The following PLCG1 variants were observed in gnomAD, a reference collection of about 807,000 sequenced individuals.
PLCG1 encodes phospholipase C gamma 1.
Under a neutral mutation model 177.8 loss-of-function variants are expected in PLCG1, and 71 were observed. The ratio of observed to expected loss-of-function variants is 0.40; its 90% CI spans 0.33 to 0.49. The LOEUF is 0.49. PLCG1 is among the 20% of genes least tolerant of loss of function. PLCG1 has a pLI of 0.72. For missense variants in PLCG1, 1,281 were observed against 1,709.0 expected, an observed-to-expected ratio of 0.75 and a Z score of 4.42; for synonymous variants, 658 against 647.9, an observed-to-expected ratio of 1.02 and a Z score of -0.24.
At position 41,147,790 on chromosome 20, in the gene PLCG1, G is replaced by A. The variant is rs995095083; in HGVS notation, c.217+9932G>A. On this transcript the variant is annotated intron_variant, in intron 1 of 31. Coordinates refer to ENST00000685551, the MANE Select transcript of PLCG1 (RefSeq NM_002660.3). The surrounding 1 kb of genome is among the most constrained non-coding windows in gnomAD (Gnocchi z 4.0). Reference sequence around the variant, plus strand: ...TTGAACCCGGGAGGCAGAGGTTGCAGTGAGCCAAGATCGCGCCATTGCACT... The same window carrying A: ...TTGAACCCGGGAGGCAGAGGTTGCAATGAGCCAAGATCGCGCCATTGCACT... Among the ~76,000 whole-genome samples the A allele has an allele frequency of 3.9e-5, 6 of 152,036 alleles. No individual in the cohort carries two copies. The highest frequency in any genetic ancestry group is 8.8e-5 in the Non-Finnish European group (6 of 68,030).
intron 1 of PLCG1, among the ~76,000 whole-genome samples, chr20:41,142,992 G>A (rs185536183): frequency 5.7e-4 from 87 of 152,252 alleles, no homozygotes; most frequent in African/African-American, 2.0e-3. Context: ...AAGGAGGCCC[G>A]CCCATCCTCT....
Position 41,163,468 on chromosome 20 carries a change from T to G in PLCG1, c.880T>G (p.Phe294Val), listed in dbSNP as rs1450657509. ...PLREIEEPYF[F>V]LDEFVTFLFS... Reference sequence around the variant, plus strand: ...ACGAGAGATCGAGGAGCCATACTTCTTCCTGGATGAGGTGAGCCCGATGTT... The same window carrying G: ...ACGAGAGATCGAGGAGCCATACTTCGTCCTGGATGAGGTGAGCCCGATGTT... Residue 294 changes from phenylalanine to valine, a missense_variant, in exon 9 of 32, where the codon TTC becomes GTC. Transcript: ENST00000685551. This position sits in a 1 kb window ranked among gnomAD's most constrained non-coding sequence, Gnocchi z 5.2. 5.0e-6 allele frequency: 8 copies of G among 1,608,452 alleles called. No homozygotes were observed. The highest frequency in any genetic ancestry group is 6.8e-6 in the Non-Finnish European group (8 of 1,176,044).
Position 41,159,298 on chromosome 20 carries a change from C to T in PLCG1, c.218-308C>T, listed in dbSNP as rs1468112637. 3.9e-5 allele frequency among the ~76,000 whole-genome samples: 6 copies of T among 152,166 alleles called. No individual in the cohort carries two copies. Among genetic ancestry groups the T allele is most frequent in the Non-Finnish European group, 8.8e-5 (6 of 68,038 alleles). ...GAACAGCCTTGGGTCCCTATTTCTT[C>T]TTCTGGAGTCTAGCTCTTTTGCAGG... On this transcript the variant is annotated intron_variant, in intron 1 of 31. Transcript: ENST00000685551. This position sits in a 1 kb window ranked among gnomAD's most constrained non-coding sequence, Gnocchi z 6.0.
Position 41,163,251 on chromosome 20 carries a change from G to T in PLCG1, c.765G>T (p.Gln255His). The change falls in exon 8 of 32, where the codon CAG (glutamine) becomes CAT (histidine). Residue 255 changes from glutamine to histidine, a missense_variant. Around this residue, in one of 4 missense-constraint regions of PLCG1, gnomAD observed 374 missense variants for 443.8 expected, o/e 0.84. Coordinates refer to ENST00000685551, the MANE Select transcript of PLCG1 (RefSeq NM_002660.3). The surrounding 1 kb of genome is among the most constrained non-coding windows in gnomAD (Gnocchi z 5.2). ...GCCGAGTGTCCCTTCCTGAGTTCCA[G>T]CAGTTCCTTCTTGACTACCAGGGGG... ...ELCRVSLPEF[Q>H]QFLLDYQGEL... 6.4e-7 allele frequency: 1 copy of T among 1,555,796 alleles called. No individual in the cohort carries two copies. Among genetic ancestry groups the T allele is most frequent in the Non-Finnish European group, 8.7e-7 (1 of 1,153,428 alleles).
intron 1 of PLCG1, among the ~76,000 whole-genome samples, chr20:41,155,936 T>C (rs893815165): frequency 6.6e-6 from 1 of 152,158 alleles, no homozygotes; most frequent in Non-Finnish European, 1.5e-5. Context: ...TGTGTGGTTC[T>C]CCTCACTAAG....
Position 41,166,204 on chromosome 20 carries a change from A to G in PLCG1, c.1810A>G (p.Lys604Glu), listed in dbSNP as rs2035686407. The G allele has an allele frequency of 1.2e-6, 2 of 1,613,284 alleles. No homozygotes were observed. Among genetic ancestry groups the G allele is most frequent in the Admixed American group, 1.7e-5 (1 of 60,004 alleles). ...DYTLSFWRNGKVQHCRIHSRQ... is the reference protein window; with the variant it reads ...DYTLSFWRNGEVQHCRIHSRQ... Reference sequence around the variant, plus strand: ...CTGTGTCTTCCACAGGCGGAACGGGAAAGTCCAGCACTGCCGTATCCACTC... The same window carrying G: ...CTGTGTCTTCCACAGGCGGAACGGGGAAGTCCAGCACTGCCGTATCCACTC... The change falls in exon 17 of 32, where the codon AAA becomes GAA. Residue 604 changes from lysine to glutamate, a missense_variant. Physicochemically the swap from Lys to Glu is moderately conservative, Grantham distance 56. Transcript: ENST00000685551. This position sits in a 1 kb window ranked among gnomAD's most constrained non-coding sequence, Gnocchi z 8.6.
rs2035052646 is a variant in PLCG1, at chr20:41,148,129, C to T, written c.217+10271C>T. The stretch of plus-strand genomic sequence containing the variant: ...AGCAAGCAGGCCTCTGACCTGACGA[C>T]TTCCGGTCATTATTTAGAACGTCTC... On this transcript the variant is annotated intron_variant, in intron 1 of 31. Coordinates refer to ENST00000685551, the MANE Select transcript of PLCG1 (RefSeq NM_002660.3). This position sits in a 1 kb window ranked among gnomAD's most constrained non-coding sequence, Gnocchi z 4.3. 1.3e-5 allele frequency among the ~76,000 whole-genome samples: 2 copies of T among 152,226 alleles called. No homozygotes were observed. Among genetic ancestry groups the T allele is most frequent in the Non-Finnish European group, 2.9e-5 (2 of 68,040 alleles).
Position 41,156,560 on chromosome 20 carries a change from C to T in PLCG1, c.218-3046C>T, listed in dbSNP as rs746536847. 2.6e-5 allele frequency among the ~76,000 whole-genome samples: 4 copies of T among 152,198 alleles called. No homozygotes were observed. Among genetic ancestry groups the T allele is most frequent in the Non-Finnish European group, 4.4e-5 (3 of 68,034 alleles). On this transcript the variant is annotated intron_variant, in intron 1 of 31. Coordinates refer to ENST00000685551, the MANE Select transcript of PLCG1 (RefSeq NM_002660.3). The surrounding 1 kb of genome is among the most constrained non-coding windows in gnomAD (Gnocchi z 5.0). ...TCAAAGAGTTCCTCCTTCTCACTGC[C>T]CCATCTTCTTCATAGTGACGGCCTC...
chr20:41,159,297 T>C lies in PLCG1; in HGVS notation c.218-309T>C, dbSNP rs2072881. ...TGAACAGCCTTGGGTCCCTATTTCT[T>C]CTTCTGGAGTCTAGCTCTTTTGCAG... On this transcript the variant is annotated intron_variant, in intron 1 of 31. Transcript: ENST00000685551. The surrounding 1 kb of genome is among the most constrained non-coding windows in gnomAD (Gnocchi z 6.0). Among the ~76,000 whole-genome samples the C allele has an allele frequency of 0.43, 66,011 of 151,984 alleles. 16,445 individuals are homozygous for C. The highest frequency in any genetic ancestry group is 0.82 in the East Asian group (4,228 of 5,156).
In PLCG1 at chr20:41,159,067, C is replaced by T. The variant is rs1057431260; in HGVS notation, c.218-539C>T. 2.6e-5 allele frequency among the ~76,000 whole-genome samples: 4 copies of T among 152,104 alleles called. No homozygotes were observed. The highest frequency in any genetic ancestry group is 5.9e-5 in the Non-Finnish European group (4 of 68,010). On this transcript the variant is annotated intron_variant, in intron 1 of 31. Coordinates refer to ENST00000685551, the MANE Select transcript of PLCG1 (RefSeq NM_002660.3). The surrounding 1 kb of genome is among the most constrained non-coding windows in gnomAD (Gnocchi z 6.0). ...GCTCTTGGACAGCCAGTGCCTTGGT[C>T]AGGGGATGGGGTGGGGATTAGGCCC...
In PLCG1 at chr20:41,166,358, A is replaced by G. The variant is rs1475907237; in HGVS notation, c.1964A>G (p.Glu655Gly). 1.2e-6 allele frequency: 2 copies of G among 1,614,096 alleles called. No individual in the cohort carries two copies. Among genetic ancestry groups the G allele is most frequent in the Non-Finnish European group, 1.7e-6 (2 of 1,180,036 alleles). ...AATGAGTTTGAGATGCGACTTTCAGAGCCTGTCCCACAGACCAACGCCCAC... is the reference window on the plus strand; with the variant it reads ...AATGAGTTTGAGATGCGACTTTCAGGGCCTGTCCCACAGACCAACGCCCAC... ...RCNEFEMRLS[E>G]PVPQTNAHES... is the part of the protein sequence containing the mutation. The change falls in exon 17 of 32, where the codon GAG (glutamate) becomes GGG (glycine). Residue 655 changes from glutamate to glycine, a missense_variant. Coordinates refer to ENST00000685551, the MANE Select transcript of PLCG1 (RefSeq NM_002660.3). This position sits in a 1 kb window ranked among gnomAD's most constrained non-coding sequence, Gnocchi z 8.6.
At chr20:41,152,161 C>G (rs1203635153) in intron 1 of PLCG1, among the ~76,000 whole-genome samples, 1 of 152,162 alleles carries the variant, frequency 6.6e-6, no homozygotes, top group African/African-American at 2.4e-5. Flanking sequence ...CTGTTTGCCA[C>G]AGACTACATG....
chr20:41,170,107 C>T lies in PLCG1; in HGVS notation c.2651-5C>T. On this transcript the variant is annotated splice_polypyrimidine_tract_variant and splice_region_variant and intron_variant, in intron 23 of 31. Transcript: ENST00000685551. ...CCCAGCTGTTATCTGCTCTCGCCCTCCCAGCCATCCGTCCTGAGGGCAAGA... is the reference window on the plus strand; with the variant it reads ...CCCAGCTGTTATCTGCTCTCGCCCTTCCAGCCATCCGTCCTGAGGGCAAGA... The T allele has an allele frequency of 2.5e-6, 4 of 1,606,272 alleles. No homozygotes were observed. The highest frequency in any genetic ancestry group is 2.6e-6 in the Non-Finnish European group (3 of 1,174,890).
In PLCG1 at chr20:41,163,933, G is replaced by C. The variant is rs1315920145; in HGVS notation, c.1023G>C (p.Gly341=). Residue 341 remains glycine, a synonymous_variant, in exon 11 of 32, where the codon GGG becomes GGC. Coordinates refer to ENST00000685551, the MANE Select transcript of PLCG1 (RefSeq NM_002660.3). This position sits in a 1 kb window ranked among gnomAD's most constrained non-coding sequence, Gnocchi z 5.2. ...ISSSHNTYLT[G]DQFSSESSLE... ...CTTGCCTATCCAGGTACCTGACCGG[G>C]GACCAGTTCTCCAGTGAGTCCTCCT... 6.2e-7 allele frequency: 1 copy of C among 1,614,096 alleles called. No individual in the cohort carries two copies. The highest frequency in any genetic ancestry group is 1.1e-5 in the South Asian group (1 of 91,076).
chr20:41,165,784 G>T lies in PLCG1; in HGVS notation c.1757G>T (p.Arg586Leu), dbSNP rs750791519. 1.2e-6 allele frequency: 2 copies of T among 1,602,512 alleles called. No homozygotes were observed. The highest frequency in any genetic ancestry group is 1.7e-6 in the Non-Finnish European group (2 of 1,172,052). Residue 586 changes from arginine to leucine, a missense_variant, in exon 16 of 32, where the codon CGA becomes CTA. Arg to Leu is a moderately radical substitution (Grantham distance 102, BLOSUM62 -2). Coordinates refer to ENST00000685551, the MANE Select transcript of PLCG1 (RefSeq NM_002660.3). This position sits in a 1 kb window ranked among gnomAD's most constrained non-coding sequence, Gnocchi z 6.6. Reference protein sequence around the residue: ...TGAPDGSFLVRESETFVGDYT... With the variant: ...TGAPDGSFLVLESETFVGDYT... ...GCCCCTGACGGCTCCTTCCTCGTGC[G>T]AGAGAGTGAGACCTTCGTGGGCGAC... is the stretch of plus-strand genomic sequence containing the variant.
At chr20:41,171,865 G>A (rs2035911334) in intron 24 of PLCG1, among the ~76,000 whole-genome samples, 1 of 152,216 alleles carries the variant, frequency 6.6e-6, no homozygotes, top group African/African-American at 2.4e-5. Context: ...GTCAGAAAGT[G>A]TCATTTGGGA....
At position 41,176,035 on chromosome 20, in the gene PLCG1, T is replaced by C. The variant is rs948619541; in HGVS notation, c.*1526T>C. 6.6e-6 allele frequency: 1 copy of C among 152,106 alleles called. No individual in the cohort carries two copies. Among genetic ancestry groups the C allele is most frequent in the Non-Finnish European group, 1.5e-5 (1 of 68,020 alleles). The allele number at this position is 152,106 out of a possible 1,614,324, so 9.4% of individuals were successfully genotyped here. A position where few individuals can be genotyped will look rare whatever the true frequency, so the allele number is the denominator to read the frequency against. Reference sequence around the variant, plus strand: ...TCCAGTTCCACAGAAACCTCTCCTTTCAAAAATGTTGCATTCAGTTCGTTA... The same window carrying C: ...TCCAGTTCCACAGAAACCTCTCCTTCCAAAAATGTTGCATTCAGTTCGTTA... On this transcript the variant is annotated 3_prime_UTR_variant, in exon 32 of 32. Coordinates refer to ENST00000685551, the MANE Select transcript of PLCG1 (RefSeq NM_002660.3).
chr20:41,141,492 G>GACCAC (rs2034824930), intron 1 of PLCG1, among the ~76,000 whole-genome samples: 1 of 152,244 alleles, frequency 6.6e-6, no homozygotes, highest in Non-Finnish European at 1.5e-5. Context: ...CTGGGGAGCA[G>GACCAC]ACCACACCAG....
Position 41,172,005 on chromosome 20 carries a change from G to T in PLCG1, c.2809-188G>T, listed in dbSNP as rs180769187. 7.9e-5 allele frequency among the ~76,000 whole-genome samples: 12 copies of T among 152,348 alleles called. No homozygotes were observed. The highest frequency in any genetic ancestry group is 2.4e-4 in the African/African-American group (10 of 41,576). On this transcript the variant is annotated intron_variant, in intron 24 of 31. Transcript: ENST00000685551. This position sits in a 1 kb window ranked among gnomAD's most constrained non-coding sequence, Gnocchi z 7.0. Reference sequence around the variant, plus strand: ...CTCTGGGACAGAAAAGAGGAAAGATGATTTCAGGATGAGGCTGAGGACAGA... The same window carrying T: ...CTCTGGGACAGAAAAGAGGAAAGATTATTTCAGGATGAGGCTGAGGACAGA...
Sources: allele counts gnomAD v4.1 joint callset (sites outside exome capture counted in the v4.1 genomes callset), GRCh38; gene constraint gnomAD v4.1.1; regional missense constraint gnomAD v4.1.1; non-coding constraint Gnocchi (gnomAD v3.1); transcripts MANE v1.5; gene names NCBI Gene and HGNC (gene_info 2026-07-23, HGNC 2026-07-21).